Variants in ANKRD17 observed in about 807,000 individuals in gnomAD.
ANKRD17 encodes ankyrin repeat domain 17.
A neutral mutation model predicts 229.7 loss-of-function variants in ANKRD17; 19 were observed. That is an observed-to-expected ratio of 0.08 (90% CI 0.06 to 0.12). The LOEUF (loss-of-function observed/expected upper bound fraction) is 0.12, where lower values mean the gene tolerates loss of function less well. Ranked by LOEUF, ANKRD17 falls within the 10% of genes least tolerant of loss-of-function variation. The pLI is 1.00. For missense variants in ANKRD17, 2,176 were observed against 3,176.8 expected (o/e 0.68, Z 7.57); for synonymous variants, 1,112 against 1,146.1 (o/e 0.97, Z 0.60).
At chr4:73,239,892 C>T (rs966901177) in intron 1 of ANKRD17, among the ~76,000 whole-genome samples, 1 of 152,174 alleles carries the variant, frequency 6.6e-6, no homozygotes, top group African/African-American at 2.4e-5. Context: ...AATTTATCTA[C>T]ATTGTATCTT....
At chr4:73,146,644 A>G (rs1197566416) in intron 10 of ANKRD17, 120 bp downstream of exon 10, 1 of 778,878 alleles carries the variant, frequency 1.3e-6, no homozygotes, top group Non-Finnish European at 1.9e-6. Context: ...TGGCAAAAAA[A>G]TAAAAATAAA....
At chr4:73,240,370 T>C (rs1225250422) in intron 1 of ANKRD17, among the ~76,000 whole-genome samples, 1 of 150,814 alleles carries the variant, frequency 6.6e-6, no homozygotes, top group African/African-American at 2.4e-5. Flanking sequence ...ATGCCTGGAA[T>C]ACTAGCACTT....
intron 30 of ANKRD17, among the ~76,000 whole-genome samples, chr4:73,081,048 T>TA (rs1393028845): frequency 2.0e-5 from 3 of 152,264 alleles, no homozygotes; most frequent in African/African-American, 7.2e-5. Flanking sequence ...TCATAGTTTT[T>TA]ATCAGATGAC....
intron 1 of ANKRD17, among the ~76,000 whole-genome samples, chr4:73,188,378 G>A (rs930355176): frequency 3.3e-5 from 5 of 151,898 alleles, no homozygotes; most frequent in African/African-American, 1.2e-4. Flanking sequence ...TGAGGTCAGG[G>A]GTTCGAGACC....
At chr4:73,090,389 G>GAC (rs1722673835) in intron 29 of ANKRD17, among the ~76,000 whole-genome samples, 1 of 152,184 alleles carries the variant, frequency 6.6e-6, no homozygotes, top group African/African-American at 2.4e-5. Flanking sequence ...CAGCCTGGGT[G>GAC]ACAGAGCGAG....
At chr4:73,158,846 G>A (rs1477322289) in intron 3 of ANKRD17, among the ~76,000 whole-genome samples, 1 of 152,240 alleles carries the variant, frequency 6.6e-6, no homozygotes, top group Non-Finnish European at 1.5e-5. Context: ...GGCCTGTGCT[G>A]CCTCAGGGCT....
At chr4:73,079,572 T>A (rs915634936) in intron 30 of ANKRD17, among the ~76,000 whole-genome samples, 10 of 152,254 alleles carry the variant, frequency 6.6e-5, no homozygotes, top group African/African-American at 2.2e-4. Flanking sequence ...AAAAAAAAGT[T>A]TCTTCAAATT....
chr4:73,076,425 C>A (rs1273093482), intron 33 of ANKRD17, 135 bp from the exon 34 acceptor site: 1 of 555,758 alleles, frequency 1.8e-6, no homozygotes, highest in East Asian at 3.6e-5. Flanking sequence ...ATGATAAAAA[C>A]CTTTTTTCTA....
rs369072474 is a variant in ANKRD17 at position 73,120,541 on chromosome 4, C to A, written c.3850-204G>T. On this transcript the variant is annotated intron_variant, in intron 20 of 33. Transcript: ENST00000358602. ...ATTCTACCTAATCTCAACGGTATTG[C>A]AAAAAAAAAAAAAAGAAAGAAAGAA... Among the ~76,000 whole-genome samples the A allele has an allele frequency of 2.0e-3, 236 of 117,616 alleles. No homozygotes were observed. Among genetic ancestry groups the A allele is most frequent in the Middle Eastern group, 4.5e-3 (1 of 222 alleles). 77.2% of individuals were successfully genotyped at this position (117,616 alleles called of 152,430 possible).
chr4:73,177,675 A>G, intron 1 of ANKRD17, 142 bp from the exon 2 acceptor site: 3 of 601,636 alleles, frequency 5.0e-6, no homozygotes, highest in Non-Finnish European at 5.6e-6. Flanking sequence ...AACCCTAAAA[A>G]GTTCAACATG....
chr4:73,133,390 T>C (rs1192802802), intron 16 of ANKRD17, among the ~76,000 whole-genome samples: 1 of 42,008 alleles, frequency 2.4e-5, no homozygotes, highest in African/African-American at 9.3e-5. Context: ...ATGTCTCGTG[T>C]TTTTTTTTTT....
intron 1 of ANKRD17, among the ~76,000 whole-genome samples, chr4:73,228,417 T>C (rs1447432547): frequency 1.3e-5 from 2 of 152,162 alleles, no homozygotes; most frequent in African/African-American, 2.4e-5. Context: ...CACTATAGTT[T>C]ATTTTCTTCT....
intron 24 of ANKRD17, among the ~76,000 whole-genome samples, chr4:73,103,676 AG>A (rs1460502071): frequency 5.3e-5 from 8 of 152,228 alleles, no homozygotes; most frequent in African/African-American, 1.9e-4. Context: ...ATGTCAGTTA[AG>A]GCATGGAGCC....
At chr4:73,216,277 TG>T (rs1159045440) in intron 1 of ANKRD17, among the ~76,000 whole-genome samples, 1 of 152,182 alleles carries the variant, frequency 6.6e-6, no homozygotes, top group African/African-American at 2.4e-5. Context: ...AATATGTAAA[TG>T]TTTTTAAATT....
chr4:73,122,082 G>A (rs1726815443), intron 18 of ANKRD17, among the ~76,000 whole-genome samples: 1 of 151,958 alleles, frequency 6.6e-6, no homozygotes. Context: ...GAGTAATATG[G>A]GACAAGATTT....
chr4:73,234,691 C>T (rs749584267), intron 1 of ANKRD17, among the ~76,000 whole-genome samples: 1 of 152,218 alleles, frequency 6.6e-6, no homozygotes, highest in Admixed American at 6.5e-5. Flanking sequence ...TGGGGTAGCA[C>T]AGTGCCTCCA....
intron 24 of ANKRD17, chr4:73,112,484 A>G (rs1268202504): frequency 5.1e-6 from 1 of 194,266 alleles, no homozygotes; most frequent in African/African-American, 2.4e-5. Flanking sequence ...ACATTTTTAA[A>G]TGGCCAAAAC....
intron 24 of ANKRD17, among the ~76,000 whole-genome samples, chr4:73,108,784 A>C (rs2148639975): frequency 6.6e-6 from 1 of 152,276 alleles, no homozygotes; most frequent in East Asian, 1.9e-4. Context: ...TTTACCGCAA[A>C]GGGAGGCAGA....
At chr4:73,221,725 AAG>A (rs1376172742) in intron 1 of ANKRD17, among the ~76,000 whole-genome samples, 2 of 152,228 alleles carry the variant, frequency 1.3e-5, no homozygotes, top group Non-Finnish European at 2.9e-5. Context: ...TAAAAAATAA[AAG>A]AGAAAAGAAT....
Sources: gnomAD v4.1 joint callset for allele counts (sites outside exome capture counted in the v4.1 genomes callset) on GRCh38, gnomAD v4.1.1 for gene constraint, MANE v1.5 for transcripts, NCBI Gene and HGNC (gene_info 2026-07-23, HGNC 2026-07-21) for gene names.